Variants in WNK1 observed in about 807,000 individuals in gnomAD.
WNK1 encodes serine/threonine-protein kinase WNK1.
Under a neutral mutation model 222.8 loss-of-function variants are expected in WNK1, and 38 were observed. The observed-to-expected ratio is 0.17, with a 90% confidence interval of 0.13 to 0.22. The LOEUF is 0.22. WNK1 is among the 10% of genes least tolerant of loss of function. The probability of loss-of-function intolerance (pLI) is 1.00; values close to 1 mark genes in which losing one functional copy is unlikely to be tolerated. For synonymous variants in WNK1, 1,090 were observed against 1,092.9 expected, an observed-to-expected ratio of 1.00 and a Z score of 0.05; for missense variants, 2,348 against 2,918.4, an observed-to-expected ratio of 0.80 and a Z score of 4.50.
chr12:901,550 C>CCCT (rs1166538057), intron 26 of WNK1: 3 of 1,286,706 alleles, frequency 2.3e-6, no homozygotes, highest in Non-Finnish European at 3.0e-6. Context: ...CCTGTTTTTC[C>CCCT]CCTCTCACAG....
chr12:820,078 A>T (rs1947716080), intron 2 of WNK1, among the ~76,000 whole-genome samples: 3 of 152,318 alleles, frequency 2.0e-5, no homozygotes, highest in Middle Eastern at 6.8e-3. Flanking sequence ...TTTGAGGATT[A>T]GATTTCCATT....
At chr12:869,063 AC>A in intron 8 of WNK1, 1 of 1,613,998 alleles carries the variant, frequency 6.2e-7, no homozygotes. Flanking sequence ...GCAGGTCTTA[AC>A]TGCCTCATTT....
At chr12:821,131 C>T (rs556842099) in intron 2 of WNK1, among the ~76,000 whole-genome samples, 23 of 135,146 alleles carry the variant, frequency 1.7e-4, no homozygotes, top group African/African-American at 4.6e-4. Flanking sequence ...GAAACCACTT[C>T]GTTCTATTAG....
intron 12 of WNK1, chr12:881,487 G>T (rs1436135877): frequency 1.1e-5 from 7 of 610,760 alleles, no homozygotes; most frequent in Non-Finnish European, 1.8e-5. Context: ...ATACCATGCA[G>T]TCTATACCAG....
At chr12:906,551 C>T (rs952527696) in intron 26 of WNK1, 1 of 985,058 alleles carries the variant, frequency 1.0e-6, no homozygotes, top group Non-Finnish European at 1.2e-6. Context: ...TCAGGAAAAC[C>T]ATGTCTTCCT....
chr12:758,373 C>CTTTTTTTTTTTTTTTTTTTTTT (rs397957357), intron 1 of WNK1, among the ~76,000 whole-genome samples: 1 of 64,720 alleles, frequency 1.5e-5, no homozygotes, highest in Non-Finnish European at 2.7e-5. Context: ...TGCTATAGTT[C>CTTTTTTTTTTTTTTTTTTTTTT]TTTTTTTTTT....
chr12:822,087 C>CTTTTTTTTTTTTTTTTTTT, intron 2 of WNK1, among the ~76,000 whole-genome samples: 1 of 71,430 alleles, frequency 1.4e-5, no homozygotes, highest in Non-Finnish European at 2.5e-5. Context: ...TGTCTTATAC[C>CTTTTTTTTTTTTTTTTTTT]TTTTTTTTTT....
intron 23 of WNK1, among the ~76,000 whole-genome samples, chr12:895,482 G>A (rs538344826): frequency 2.7e-5 from 4 of 150,428 alleles, no homozygotes; most frequent in African/African-American, 4.9e-5. Flanking sequence ...TTTTTGAGAC[G>A]GAGTCTCACT....
chr12:757,353 G>T (rs369138312), intron 1 of WNK1, among the ~76,000 whole-genome samples: 20 of 125,702 alleles, frequency 1.6e-4, no homozygotes, highest in South Asian at 2.6e-4. Context: ...AAGAGACGGA[G>T]TCTTGCTCTA....
At chr12:857,876 C>CT (rs1176377348) in intron 5 of WNK1, among the ~76,000 whole-genome samples, 38 of 152,304 alleles carry the variant, frequency 2.5e-4, no homozygotes, top group Non-Finnish European at 4.0e-4. Context: ...GAAAAACAGT[C>CT]TATCTTTGCC....
Position 879,893 on chromosome 12 carries a change from C to T in WNK1, c.2694C>T (p.Thr898=). The T allele has an allele frequency of 1.2e-6, 2 of 1,614,110 alleles. No homozygotes were observed. The highest frequency in any genetic ancestry group is 1.1e-5 in the South Asian group (1 of 91,074). ...VSTVVPSQLP[T]LLQPVTQLPS... The stretch of plus-strand genomic sequence containing the variant: ...CTGTGGTTCCTAGTCAGCTTCCAAC[C>T]CTTCTGCAGCCTGTGACTCAGCTGC... Residue 898 remains threonine, a synonymous_variant, in exon 11 of 28, where the codon ACC becomes ACT. Coordinates refer to ENST00000315939, the MANE Select transcript of WNK1 (RefSeq NM_018979.4).
chr12:865,123 G>A lies in WNK1; in HGVS notation c.2139+2853G>A, dbSNP rs573532470. The A allele has an allele frequency of 1.1e-5, 17 of 1,519,062 alleles. No homozygotes were observed. The highest frequency in any genetic ancestry group is 3.4e-4 in the Middle Eastern group (2 of 5,914). 94.1% of individuals were successfully genotyped at this position (1,519,062 alleles called of 1,614,324 possible). ...TTTTGTGTTGAGCCTCGTCGTGGCCGTAGCATGTCGGTTTGTGTTCCCATC... is the reference window on the plus strand; with the variant it reads ...TTTTGTGTTGAGCCTCGTCGTGGCCATAGCATGTCGGTTTGTGTTCCCATC... On this transcript the variant is annotated intron_variant, in intron 8 of 27. Transcript: ENST00000315939.
At chr12:883,685 T>A in intron 16 of WNK1, 89 bp from the exon 17 acceptor site, 1 of 1,596,670 alleles carries the variant, frequency 6.3e-7, no homozygotes, top group Non-Finnish European at 8.6e-7. Context: ...ACAACAAACT[T>A]TTATGTTCTC....
Position 776,730 on chromosome 12 carries a change from C to G in WNK1, c.759+22406C>G, listed in dbSNP as rs1473830381. 2.6e-5 allele frequency among the ~76,000 whole-genome samples: 4 copies of G among 152,046 alleles called. No individual in the cohort carries two copies. The East Asian group carries it at 5.8e-4, about 22-fold the overall frequency. On this transcript the variant is annotated intron_variant, in intron 1 of 27. Coordinates refer to ENST00000315939, the MANE Select transcript of WNK1 (RefSeq NM_018979.4). Reference sequence around the variant, plus strand: ...CAGGTGTGAGCTACCGCGCCTGGCCCAGATCTTAATGTGTTCTTGCTCTGC... The same window carrying G: ...CAGGTGTGAGCTACCGCGCCTGGCCGAGATCTTAATGTGTTCTTGCTCTGC...
chr12:908,861 G>GGGGGGGGGGGGGGCCCA lies in WNK1; in HGVS notation c.*69_*70insGGGGGGGGGGGGGCCCA. ...ATGCTGAGGGGGTGGGTGGGGGTGG[G>GGGGGGGGGGGGGGCCCA]AAGTAGCCTATATACTAACTACTAG... On this transcript the variant is annotated 3_prime_UTR_variant, in exon 28 of 28. Transcript: ENST00000315939. The GGGGGGGGGGGGGGCCCA allele has an allele frequency of 2.0e-6, 1 of 491,846 alleles. No individual in the cohort carries two copies. Among genetic ancestry groups the GGGGGGGGGGGGGGCCCA allele is most frequent in the Non-Finnish European group, 4.1e-6 (1 of 241,770 alleles). The allele number at this position is 491,846 out of a possible 1,614,324, so 30.5% of individuals were successfully genotyped here.
chr12:906,357 C>T, intron 26 of WNK1: 1 of 985,268 alleles, frequency 1.0e-6, no homozygotes, highest in Non-Finnish European at 1.2e-6. Flanking sequence ...GGCATAGACT[C>T]CCTCCTCTCT....
chr12:754,008 T>C lies in WNK1; in HGVS notation c.443T>C (p.Val148Ala). 6.3e-7 allele frequency: 1 copy of C among 1,586,556 alleles called. No individual in the cohort carries two copies. Among genetic ancestry groups the C allele is most frequent in the Non-Finnish European group, 8.6e-7 (1 of 1,166,930 alleles). Residue 148 changes from valine to alanine, a missense_variant, in exon 1 of 28, where the codon GTC becomes GCC. This residue lies in a region of WNK1 where 185 missense variants were observed against 159.2 expected (regional missense o/e 1.16). Transcript: ENST00000315939. ...GCTGCCGCCCCTGGGGAACAGGCCGTCGCGGGCCCTGCCCCCTCGACTGTC... is the reference window on the plus strand; with the variant it reads ...GCTGCCGCCCCTGGGGAACAGGCCGCCGCGGGCCCTGCCCCCTCGACTGTC... Reference protein sequence around the residue: ...PAAAAPGEQAVAGPAPSTVPS... With the variant: ...PAAAAPGEQAAAGPAPSTVPS...
intron 1 of WNK1, among the ~76,000 whole-genome samples, chr12:772,226 A>T (rs1427945546): frequency 1.3e-5 from 2 of 152,228 alleles, no homozygotes; most frequent in Non-Finnish European, 2.9e-5. Context: ...AAGCATTGTT[A>T]CTGTGTATGA....
Position 908,455 on chromosome 12 carries a change from C to T in WNK1, c.6832-20C>T, listed in dbSNP as rs977753137. ...ACCATGGCCCACACCAGACTTGACA[C>T]GTGGTGGTTTTGTTTTCAGGGCCCT... On this transcript the variant is annotated intron_variant, in intron 27 of 27. Transcript: ENST00000315939. The T allele has an allele frequency of 3.7e-6, 6 of 1,613,816 alleles. No homozygotes were observed. Among genetic ancestry groups the T allele is most frequent in the Middle Eastern group, 1.6e-4 (1 of 6,062 alleles).
Sources: allele counts gnomAD v4.1 joint callset (sites outside exome capture counted in the v4.1 genomes callset), GRCh38; gene constraint gnomAD v4.1.1; regional missense constraint gnomAD v4.1.1; transcripts MANE v1.5; gene names NCBI Gene and HGNC (gene_info 2026-07-23, HGNC 2026-07-21).